DLG5: variants seen among roughly 807,000 people sequenced by gnomAD.
DLG5 encodes the protein discs large MAGUK scaffold protein 5, also known as disks large homolog 5.
DLG5 carries 48 observed loss-of-function variants against 189.8 expected under a neutral mutation model. The ratio of observed to expected loss-of-function variants is 0.25; its 90% CI spans 0.20 to 0.32. The LOEUF is 0.32. Ranked by LOEUF, DLG5 falls within the 10% of genes least tolerant of loss-of-function variation. DLG5 has a pLI of 1.00. For missense variants in DLG5, 2,160 were observed against 2,544.7 expected, an observed-to-expected ratio of 0.85 and a Z score of 3.25; for synonymous variants, 1,016 against 1,054.1, an observed-to-expected ratio of 0.96 and a Z score of 0.70.
chr10:77,797,256 G>C (rs1159035959), intron 27 of DLG5, among the ~76,000 whole-genome samples: 2 of 152,192 alleles, frequency 1.3e-5, no homozygotes, highest in East Asian at 1.9e-4. Flanking sequence ...CAATATCCTA[G>C]TTGATACATG....
rs1290779114 is a variant in DLG5, at chr10:77,902,589, G to A, written c.304+23628C>T. Among the ~76,000 whole-genome samples the A allele has an allele frequency of 5.3e-5, 8 of 151,756 alleles. No homozygotes were observed. The East Asian group carries it at 5.8e-4, about 11-fold the overall frequency. The stretch of plus-strand genomic sequence containing the variant: ...AAACGAGCCATTGAGGGCCGGGCGC[G>A]GTGGCTCATACCTGTAATCCCAGCA... On this transcript the variant is annotated intron_variant, in intron 1 of 31. Transcript: ENST00000372391.
intron 1 of DLG5, among the ~76,000 whole-genome samples, chr10:77,871,482 C>T (rs949095890): frequency 3.3e-5 from 5 of 150,352 alleles, no homozygotes. Flanking sequence ...ATTAGTTTTG[C>T]TGTACATTCA....
intron 1 of DLG5, among the ~76,000 whole-genome samples, chr10:77,907,926 AT>A (rs1314659799): frequency 6.6e-6 from 1 of 152,192 alleles, no homozygotes; most frequent in Non-Finnish European, 1.5e-5. Context: ...GAGAAAATAA[AT>A]ACAAAAATAA....
At chr10:77,852,165 G>A (rs1483251568) in intron 5 of DLG5, among the ~76,000 whole-genome samples, 1 of 152,108 alleles carries the variant, frequency 6.6e-6, no homozygotes, top group African/African-American at 2.4e-5. Context: ...GAGGTCAGGA[G>A]ATCGAGACCA....
intron 15 of DLG5, chr10:77,820,245 C>A: frequency 2.0e-6 from 1 of 492,966 alleles, no homozygotes; most frequent in Non-Finnish European, 3.5e-6. Flanking sequence ...ACTTGGGAGG[C>A]TGAGGCAGGA....
chr10:77,912,337 C>T (rs1373322836), intron 1 of DLG5: 1 of 152,030 alleles, frequency 6.6e-6, no homozygotes, highest in East Asian at 1.9e-4. Flanking sequence ...ATGACCCCAC[C>T]ACTGATCAGC....
At chr10:77,913,889 C>T (rs1174554621) in intron 1 of DLG5, among the ~76,000 whole-genome samples, 3 of 152,068 alleles carry the variant, frequency 2.0e-5, no homozygotes, top group African/African-American at 7.2e-5. Context: ...ATGCCTGGCT[C>T]TTGAAAGTCT....
At chr10:77,860,933 A>AT (rs1159502910) in intron 2 of DLG5, among the ~76,000 whole-genome samples, 2 of 152,218 alleles carry the variant, frequency 1.3e-5, no homozygotes, top group Non-Finnish European at 2.9e-5. Context: ...ATATTTACTT[A>AT]TTTTTTAAAA....
At chr10:77,929,833 GT>G (rs1223786874), upstream of DLG5, 2 of 152,210 alleles carry the variant, frequency 1.3e-5, no homozygotes, top group African/African-American at 2.4e-5. Flanking sequence ...GGAGTCAGTG[GT>G]TCTTGTTTTA....
intron 1 of DLG5, 27 bp from the exon 2 acceptor site, chr10:77,869,224 C>T (rs1259404013): frequency 2.5e-6 from 4 of 1,610,742 alleles, no homozygotes; most frequent in South Asian, 2.2e-5. Context: ...GACCATGTTA[C>T]TAACCCCAAG....
upstream of DLG5, among the ~76,000 whole-genome samples, chr10:77,931,149 G>T (rs940721057): frequency 6.6e-6 from 1 of 151,952 alleles, no homozygotes; most frequent in African/African-American, 2.4e-5. Flanking sequence ...TAGAGATGTG[G>T]TTTCACCATG....
At position 77,838,386 on chromosome 10, in the gene DLG5, G is replaced by A. The variant is rs371064383; in HGVS notation, c.1438-2464C>T. On this transcript the variant is annotated intron_variant, in intron 7 of 31. Transcript: ENST00000372391. ...CTCCTGGGAGCAATGAGACTTCCCC[G>A]GACAAGGTCAGCTACTGGCCTGAGG... Among the ~76,000 whole-genome samples, 26 of 152,236 alleles carry A rather than the reference G, an allele frequency of 1.7e-4. 3 individuals are homozygous for A. The highest frequency in any genetic ancestry group is 7.8e-4 in the East Asian group (4 of 5,154).
intron 1 of DLG5, among the ~76,000 whole-genome samples, chr10:77,920,372 C>T (rs938109921): frequency 6.6e-6 from 1 of 152,214 alleles, no homozygotes; most frequent in Non-Finnish European, 1.5e-5. Context: ...GACCCACCAT[C>T]CCACTCCAGC....
chr10:77,833,433 T>C (rs558559597), intron 9 of DLG5, among the ~76,000 whole-genome samples: 38 of 152,238 alleles, frequency 2.5e-4, no homozygotes, highest in Non-Finnish European at 4.8e-4. Flanking sequence ...TGTCTCTTCC[T>C]GCGCACTGTG....
At chr10:77,832,711 A>G (rs995271262) in intron 9 of DLG5, among the ~76,000 whole-genome samples, 1 of 152,184 alleles carries the variant, frequency 6.6e-6, no homozygotes, top group African/African-American at 2.4e-5. Context: ...CACAAGCTGA[A>G]TGCACAAGCT....
Position 77,805,864 on chromosome 10 carries a change from G to A in DLG5, c.4968-3C>T. 1 of 1,611,184 alleles carries A rather than the reference G, an allele frequency of 6.2e-7. No homozygotes were observed. The highest frequency in any genetic ancestry group is 8.5e-7 in the Non-Finnish European group (1 of 1,177,738). On this transcript the variant is annotated splice_polypyrimidine_tract_variant and splice_region_variant and intron_variant, in intron 26 of 31. Transcript: ENST00000372391. ...TCCTGGAGAATTCTTGGTCCATCCT[G>A]TGGCACAGGGGACAATGCTGGGCAG...
chr10:77,849,306 C>G (rs932654696), intron 5 of DLG5, among the ~76,000 whole-genome samples: 4 of 152,244 alleles, frequency 2.6e-5, no homozygotes, highest in Non-Finnish European at 5.9e-5. Flanking sequence ...CTGCCCTTGT[C>G]CAGAGAGGTT....
intron 14 of DLG5, among the ~76,000 whole-genome samples, chr10:77,823,899 T>C (rs1842490126): frequency 1.3e-5 from 2 of 152,156 alleles, no homozygotes; most frequent in Non-Finnish European, 2.9e-5. Flanking sequence ...CACAACTCAC[T>C]GCCACCTCGA....
chr10:77,937,067 C>A, the DLG5 span, among the ~76,000 whole-genome samples: 25 of 152,266 alleles, frequency 1.6e-4, 5 homozygotes, highest in East Asian at 9.7e-4. Context: ...AGAGTCACCT[C>A]TTCAGAACAA....
Sources: allele counts gnomAD v4.1 joint callset (sites outside exome capture counted in the v4.1 genomes callset), GRCh38; gene constraint gnomAD v4.1.1; transcripts MANE v1.5; gene names NCBI Gene and HGNC (gene_info 2026-07-23, HGNC 2026-07-21).